Variants in DAB1 observed in about 807,000 individuals in gnomAD.
DAB1 encodes DAB adaptor protein 1, also known as disabled homolog 1.
DAB1 carries 15 observed loss-of-function variants against 64.6 expected under a neutral mutation model. The ratio of observed to expected loss-of-function variants is 0.23; its 90% CI spans 0.16 to 0.36. The LOEUF (loss-of-function observed/expected upper bound fraction) is 0.36. Among genes scored for constraint, DAB1 ranks in the 10% least tolerant of loss-of-function variants. The probability of loss-of-function intolerance (pLI) is 1.00; values close to 1 mark genes in which losing one functional copy is unlikely to be tolerated. For missense variants in DAB1, 596 were observed against 706.7 expected, an observed-to-expected ratio of 0.84 and a Z score of 1.78; for synonymous variants, 235 against 251.9, an observed-to-expected ratio of 0.93 and a Z score of 0.64.
chr1:57,131,800 G>C (rs1657671394), intron 4 of DAB1, among the ~76,000 whole-genome samples: 1 of 152,112 alleles, frequency 6.6e-6, no homozygotes, highest in African/African-American at 2.4e-5. Flanking sequence ...CCTCCTACCT[G>C]TTATGCCTTA....
intron 4 of DAB1, among the ~76,000 whole-genome samples, chr1:58,173,278 A>C (rs1656277391): frequency 6.6e-6 from 1 of 152,174 alleles, no homozygotes; most frequent in Non-Finnish European, 1.5e-5. Context: ...CAGCCAGTGG[A>C]ATTACACTCT....
At chr1:57,484,443 G>T (rs946837962) in intron 7 of DAB1, among the ~76,000 whole-genome samples, 1 of 152,114 alleles carries the variant, frequency 6.6e-6, no homozygotes, top group African/African-American at 2.4e-5. Context: ...CTGAACAAAT[G>T]GTCCTTTCCA....
chr1:57,038,258 C>G (rs1181928155), intron 9 of DAB1, among the ~76,000 whole-genome samples: 2 of 152,138 alleles, frequency 1.3e-5, no homozygotes, highest in Non-Finnish European at 2.9e-5. Flanking sequence ...ACCATGAAAT[C>G]AAATTCAGTT....
intron 3 of DAB1, among the ~76,000 whole-genome samples, chr1:58,390,045 A>G (rs2100554287): frequency 6.6e-6 from 1 of 152,246 alleles, no homozygotes. Context: ...GGGCCTTAGC[A>G]GGGCGAAAAT....
At chr1:57,861,163 G>A (rs1360051039) in intron 1 of DAB1, 4 of 152,262 alleles carry the variant, frequency 2.6e-5, no homozygotes, top group African/African-American at 9.6e-5. Flanking sequence ...TGAGTAAGCA[G>A]GGGCTCACTG....
chr1:58,204,726 C>A (rs1658175761), intron 4 of DAB1, among the ~76,000 whole-genome samples: 1 of 152,214 alleles, frequency 6.6e-6, no homozygotes, highest in Non-Finnish European at 1.5e-5. Context: ...CACGCATAAA[C>A]TTCCAGCCTG....
In DAB1 at chr1:57,110,435, GC is replaced by G; in HGVS notation, c.306+26107del. On this transcript the variant is annotated intron_variant, in intron 4 of 14. Coordinates refer to ENST00000371236, the MANE Select transcript of DAB1 (RefSeq NM_001365792.1). ...TGGCTCAACTCTTTAACATCTGTTG[GC>G]CTCAGTTTCCTTTTGTTTACATTAA... is the stretch of plus-strand genomic sequence containing the variant. 2.6e-5 allele frequency among the ~76,000 whole-genome samples: 4 copies of G among 152,270 alleles called. No individual in the cohort carries two copies. In the Middle Eastern group the frequency reaches 0.014, roughly 518 times the overall value.
At chr1:57,719,780 A>T (rs1647129156) in intron 6 of DAB1, among the ~76,000 whole-genome samples, 1 of 152,244 alleles carries the variant, frequency 6.6e-6, no homozygotes, top group African/African-American at 2.4e-5. Context: ...TAGTATCTTT[A>T]TAGCCGTGTG....
intron 7 of DAB1, among the ~76,000 whole-genome samples, chr1:57,613,560 T>G (rs1645753847): frequency 6.6e-6 from 1 of 152,234 alleles, no homozygotes; most frequent in Non-Finnish European, 1.5e-5. Flanking sequence ...ATGCTGTGTC[T>G]GCATGATAGA....
intron 4 of DAB1, among the ~76,000 whole-genome samples, chr1:58,221,903 A>T (rs1023117447): frequency 2.6e-5 from 4 of 152,202 alleles, no homozygotes; most frequent in African/African-American, 9.6e-5. Flanking sequence ...CAGGTTCCAT[A>T]GTCCTATAAT....
intron 6 of DAB1, among the ~76,000 whole-genome samples, chr1:57,775,901 T>C (rs1227084969): frequency 3.3e-5 from 5 of 151,768 alleles, no homozygotes; most frequent in Non-Finnish European, 7.4e-5. Context: ...TGATACCATC[T>C]TTATGTTTTT....
chr1:57,776,949 C>T (rs1249410050), intron 6 of DAB1, among the ~76,000 whole-genome samples: 1 of 151,658 alleles, frequency 6.6e-6, no homozygotes, highest in Admixed American at 6.6e-5. Flanking sequence ...TACAATTTTC[C>T]TTCTATCTGA....
chr1:58,426,975 G>A (rs1308040316), intron 3 of DAB1, among the ~76,000 whole-genome samples: 1 of 152,164 alleles, frequency 6.6e-6, no homozygotes, highest in Non-Finnish European at 1.5e-5. Flanking sequence ...AAAGAGGTGA[G>A]GGCATATTCA....
intron 1 of DAB1, among the ~76,000 whole-genome samples, chr1:57,309,576 G>C (rs1674495621): frequency 6.6e-6 from 1 of 152,026 alleles, no homozygotes; most frequent in African/African-American, 2.4e-5. Context: ...TAGCATTCTA[G>C]GAAACATTTT....
chr1:58,343,855 A>C (rs1431939326), intron 3 of DAB1, among the ~76,000 whole-genome samples: 1 of 152,206 alleles, frequency 6.6e-6, no homozygotes, highest in Non-Finnish European at 1.5e-5. Flanking sequence ...GGTTCTGACC[A>C]TTGTTAAGAA....
chr1:58,231,423 T>A (rs1373390029), intron 4 of DAB1, among the ~76,000 whole-genome samples: 1 of 152,162 alleles, frequency 6.6e-6, no homozygotes, highest in Admixed American at 6.5e-5. Flanking sequence ...AACATGCAAA[T>A]GGGCGAACCA....
intron 4 of DAB1, among the ~76,000 whole-genome samples, chr1:58,215,752 G>A (rs1026230607): frequency 1.3e-5 from 2 of 152,160 alleles, no homozygotes; most frequent in African/African-American, 4.8e-5. Context: ...AACTTAAGCT[G>A]CATAAGAGCC....
chr1:58,444,845 AAAT>A, intron 3 of DAB1, among the ~76,000 whole-genome samples: 1 of 152,354 alleles, frequency 6.6e-6, no homozygotes, highest in Non-Finnish European at 1.5e-5. Flanking sequence ...GCAGTTCATC[AAAT>A]AATGAGTGTT....
At chr1:57,266,085 T>G (rs1670570290) in intron 2 of DAB1, among the ~76,000 whole-genome samples, 1 of 151,866 alleles carries the variant, frequency 6.6e-6, no homozygotes, top group African/African-American at 2.4e-5. Flanking sequence ...TTAGAGGGAA[T>G]AAAAAACAAG....
Sources: allele counts gnomAD v4.1 joint callset (sites outside exome capture counted in the v4.1 genomes callset), GRCh38; gene constraint gnomAD v4.1.1; transcripts MANE v1.5; gene names NCBI Gene and HGNC (gene_info 2026-07-23, HGNC 2026-07-21).